Variants in DHX8 observed in about 807,000 individuals in gnomAD.
DHX8 encodes DEAH-box helicase 8.
A neutral mutation model predicts 140.7 loss-of-function variants in DHX8; 67 were observed. That is an observed-to-expected ratio of 0.48 (90% CI 0.39 to 0.58). The LOEUF is 0.58. DHX8 is among the 20% of genes least tolerant of loss of function. The pLI, the probability that DHX8 is intolerant of heterozygous loss-of-function variation, is 0.00. For missense variants in DHX8, 887 were observed against 1,550.7 expected, an observed-to-expected ratio of 0.57 and a Z score of 7.19; for synonymous variants, 533 against 553.2, an observed-to-expected ratio of 0.96 and a Z score of 0.51.
intron 17 of DHX8, among the ~76,000 whole-genome samples, chr17:43,514,735 T>C (rs1184765083): frequency 6.6e-6 from 1 of 152,224 alleles, no homozygotes; most frequent in Non-Finnish European, 1.5e-5. Context: ...GATTGGTTTA[T>C]ATCAGAGGAA....
At chr17:43,508,553 C>G (rs779534635) in intron 16 of DHX8, 33 bp downstream of exon 16, 1 of 1,494,124 alleles carries the variant, frequency 6.7e-7, no homozygotes, top group South Asian at 1.2e-5. Context: ...TTCCATGTGC[C>G]CTGAAACCAT....
chr17:43,504,870 T>A, intron 12 of DHX8, 45 bp downstream of exon 12: 1 of 1,533,186 alleles, frequency 6.5e-7, no homozygotes, highest in African/African-American at 1.4e-5. Context: ...AGGGTTATTG[T>A]CTAAAAGAGG....
chr17:43,520,260 G>A lies in DHX8; in HGVS notation c.2930G>A (p.Gly977Asp). ...LDDEGLLTRL[G>D]RRMAEFPLEP... ...GACGAGGGCCTGCTCACTCGCTTGG[G>A]CCGCCGGGTAAGGGACAGACTCAAC... Residue 977 changes from glycine to aspartate, a missense_variant, in exon 19 of 23, where the codon GGC (glycine) becomes GAC (aspartate). By Grantham distance (94) the Gly-to-Asp change is moderately conservative (BLOSUM62 -1). Transcript: ENST00000262415. 8.1e-6 allele frequency: 13 copies of A among 1,613,994 alleles called. No individual in the cohort carries two copies. The highest frequency in any genetic ancestry group is 1.1e-5 in the Non-Finnish European group (13 of 1,179,938).
chr17:43,531,774 C>G (rs1156644358), downstream of DHX8, among the ~76,000 whole-genome samples: 3 of 152,212 alleles, frequency 2.0e-5, no homozygotes, highest in African/African-American at 7.2e-5. Context: ...ATGAGCCTGG[C>G]TAGTTTCAAA....
chr17:43,492,132 A>G (rs747650317), intron 4 of DHX8, 51 bp from the exon 5 acceptor site: 14 of 1,290,994 alleles, frequency 1.1e-5, no homozygotes, highest in Non-Finnish European at 2.3e-6. Context: ...AGGTACATAC[A>G]GATTCTTGAG....
At chr17:43,510,125 C>T (rs946292789) in intron 16 of DHX8, among the ~76,000 whole-genome samples, 11 of 151,472 alleles carry the variant, frequency 7.3e-5, no homozygotes, top group South Asian at 4.2e-4. Context: ...CTTGGCTCAC[C>T]GCAACCTCCG....
chr17:43,499,658 C>T (rs965989104), intron 10 of DHX8, among the ~76,000 whole-genome samples: 3 of 152,196 alleles, frequency 2.0e-5, no homozygotes, highest in Admixed American at 6.5e-5. Flanking sequence ...CAGGGTCATA[C>T]AGAAAAATTC....
intron 11 of DHX8, among the ~76,000 whole-genome samples, chr17:43,502,482 T>A (rs1010145157): frequency 2.6e-5 from 4 of 152,198 alleles, no homozygotes; most frequent in African/African-American, 9.6e-5. Context: ...TGGAGTGCAG[T>A]GGTGCAGTCT....
At chr17:43,530,489 G>T, downstream of DHX8, 1 of 1,257,878 alleles carries the variant, frequency 7.9e-7, no homozygotes, top group Admixed American at 3.6e-5. Context: ...GAGTTCAGGG[G>T]GAGGAGGGAG....
intron 18 of DHX8, chr17:43,518,203 A>G (rs940938587): frequency 3.3e-5 from 5 of 152,274 alleles, no homozygotes; most frequent in African/African-American, 1.2e-4. Flanking sequence ...ATAATTCATC[A>G]TAGTTATTAT....
At chr17:43,517,084 G>T in intron 17 of DHX8, 83 bp from the exon 18 acceptor site, 1 of 1,412,760 alleles carries the variant, frequency 7.1e-7, no homozygotes, top group South Asian at 1.5e-5. Flanking sequence ...GTTGTTAATT[G>T]TCCCCCTTTT....
chr17:43,541,040 C>T, intron 3 of DHX8, among the ~76,000 whole-genome samples: 1 of 152,146 alleles, frequency 6.6e-6, no homozygotes, highest in African/African-American at 2.4e-5. Context: ...CTGCCTCGGG[C>T]CTGACAGTTT....
rs758511110 is a variant in DHX8 at position 43,523,838 on chromosome 17, A to G, written c.3654A>G (p.Arg1218=). The change falls in exon 23 of 23, where the codon CGA becomes CGG. Residue 1218 remains arginine (R), a synonymous_variant. Transcript: ENST00000262415. ...CCTGGAGAATATCTCGAGCTTTCCGACGGCGCTGAAAGGCAAGATTGTTCC... is the reference window on the plus strand; with the variant it reads ...CCTGGAGAATATCTCGAGCTTTCCGGCGGCGCTGAAAGGCAAGATTGTTCC... ...PNAWRISRAF[R]RR 2 of 1,614,144 alleles carry G rather than the reference A, an allele frequency of 1.2e-6. No homozygotes were observed. Among genetic ancestry groups the G allele is most frequent in the South Asian group, 2.2e-5 (2 of 91,082 alleles).
intron 2 of DHX8, among the ~76,000 whole-genome samples, chr17:43,534,801 C>T (rs987945131): frequency 1.3e-5 from 2 of 151,912 alleles, no homozygotes; most frequent in East Asian, 2.0e-4. Context: ...ATTAGCCGGG[C>T]GTGGTGGCAC....
Position 43,496,109 on chromosome 17 carries a change from A to G in DHX8, c.1213-72A>G. The G allele has an allele frequency of 3.9e-6, 5 of 1,271,178 alleles. No individual in the cohort carries two copies. The Admixed American group carries it at 9.4e-5, about 24-fold the overall frequency. 78.7% of individuals were successfully genotyped at this position (1,271,178 alleles called of 1,614,324 possible). A position where few individuals can be genotyped will look rare whatever the true frequency, so the allele number is the denominator to read the frequency against. ...CAAGATCCTGTCTCAAAAAAACAAA[A>G]CAAAACCAAAAAACAAAAAAAAAGT... On this transcript the variant is annotated intron_variant, in intron 8 of 22. Coordinates refer to ENST00000262415, the MANE Select transcript of DHX8 (RefSeq NM_004941.3).
At chr17:43,532,951 T>C in intron 2 of DHX8, 1 of 1,553,224 alleles carries the variant, frequency 6.4e-7, no homozygotes, top group Non-Finnish European at 8.7e-7. Context: ...TGGATGTGGT[T>C]GGATGGAGAA....
intron 16 of DHX8, among the ~76,000 whole-genome samples, chr17:43,512,599 T>C (rs894988542): frequency 2.0e-5 from 3 of 152,238 alleles, no homozygotes; most frequent in Non-Finnish European, 2.9e-5. Flanking sequence ...TCTCCCCTAT[T>C]CTATTCCTAA....
In DHX8 at chr17:43,523,774, G is replaced by A. The variant is rs759820680; in HGVS notation, c.3590G>A (p.Arg1197His). The change falls in exon 23 of 23, where the codon CGT becomes CAT. Residue 1197 changes from arginine (R) to histidine (H), a missense_variant. Physicochemically the swap from Arg to His is conservative, Grantham distance 29 (BLOSUM62 0). This residue lies in a region of DHX8 where 14 missense variants were observed against 56.3 expected (regional missense o/e 0.25). Coordinates refer to ENST00000262415, the MANE Select transcript of DHX8 (RefSeq NM_004941.3). Reference sequence around the variant, plus strand: ...CTAAGCAAACAGAAGAAGCAACAGCGTCTTGAACCCTTGTACAACCGCTAT... The same window carrying A: ...CTAAGCAAACAGAAGAAGCAACAGCATCTTGAACCCTTGTACAACCGCTAT... ...TKLSKQKKQQ[R>H]LEPLYNRYEE... 4 of 1,614,070 alleles carry A rather than the reference G, an allele frequency of 2.5e-6. No homozygotes were observed. The highest frequency in any genetic ancestry group is 2.2e-5 in the East Asian group (1 of 44,896).
intron 8 of DHX8, 90 bp from the exon 9 acceptor site, chr17:43,496,091 C>G: frequency 1.1e-6 from 1 of 949,726 alleles, no homozygotes. Flanking sequence ...GAGCAAGATC[C>G]TGTCTCAAAA....
Sources: allele counts gnomAD v4.1 joint callset (sites outside exome capture counted in the v4.1 genomes callset), GRCh38; gene constraint gnomAD v4.1.1; regional missense constraint gnomAD v4.1.1; transcripts MANE v1.5; gene names NCBI Gene and HGNC (gene_info 2026-07-23, HGNC 2026-07-21).